The following CSMD3 variants were observed in gnomAD, a reference collection of about 807,000 sequenced individuals.
CSMD3 encodes the protein CUB and sushi domain-containing protein 3.
A neutral mutation model predicts 435.2 loss-of-function variants in CSMD3; 177 were observed. That is an observed-to-expected ratio of 0.41 (90% confidence interval 0.36 to 0.46). CSMD3 has a LOEUF of 0.46. Ranked by LOEUF, CSMD3 falls within the 20% of genes least tolerant of loss-of-function variation. CSMD3 has a pLI of 0.34. For synonymous variants in CSMD3, 1,656 were observed against 1,520.5 expected (o/e 1.09, Z -2.07); for missense variants, 4,265 against 4,504.6 (o/e 0.95, Z 1.52).
intron 3 of CSMD3, among the ~76,000 whole-genome samples, chr8:113,182,568 C>CA (rs534028694): frequency 1.1e-4 from 16 of 150,204 alleles, no homozygotes; most frequent in Non-Finnish European, 2.2e-4. Context: ...AAAACAAAAA[C>CA]AAAAAAAACT....
At chr8:112,611,245 C>T (rs1257186708) in intron 22 of CSMD3, among the ~76,000 whole-genome samples, 1 of 152,070 alleles carries the variant, frequency 6.6e-6, no homozygotes, top group Non-Finnish European at 1.5e-5. Flanking sequence ...AGCAAGCCTC[C>T]CAATCCTAAA....
At chr8:112,789,222 G>C (rs2078627515) in intron 13 of CSMD3, among the ~76,000 whole-genome samples, 1 of 152,018 alleles carries the variant, frequency 6.6e-6, no homozygotes, top group Admixed American at 6.6e-5. Context: ...GAGTGTCTCA[G>C]GATTCATACA....
At chr8:112,723,797 T>C (rs16883985) in intron 13 of CSMD3, among the ~76,000 whole-genome samples, 2,658 of 152,164 alleles carry the variant, frequency 0.017, 77 homozygotes, top group African/African-American at 0.061. Flanking sequence ...AGCTACTTCA[T>C]TGAATTCATG....
chr8:113,043,096 T>C (rs182825894), intron 5 of CSMD3, among the ~76,000 whole-genome samples: 24 of 152,346 alleles, frequency 1.6e-4, no homozygotes, highest in African/African-American at 5.5e-4. Flanking sequence ...GCAAATATAG[T>C]ATTCTTTCTA....
Position 112,762,756 on chromosome 8 carries a change from A to G in CSMD3, c.1972+37406T>C, listed in dbSNP as rs138227185. Reference sequence around the variant, plus strand: ...TAAATTTGAAAGGAAGAAAGCATATAATAGGGATAGAGAGACCAGTGAGAG... The same window carrying G: ...TAAATTTGAAAGGAAGAAAGCATATGATAGGGATAGAGAGACCAGTGAGAG... On this transcript the variant is annotated intron_variant, in intron 13 of 70. Transcript: ENST00000297405. Among the ~76,000 whole-genome samples the G allele has an allele frequency of 9.7e-3, 1,474 of 152,032 alleles. 18 individuals carry two copies. The highest frequency in any genetic ancestry group is 0.024 in the Middle Eastern group (7 of 294).
At chr8:112,445,290 G>A (rs1419605841) in intron 32 of CSMD3, among the ~76,000 whole-genome samples, 1 of 152,084 alleles carries the variant, frequency 6.6e-6, no homozygotes, top group African/African-American at 2.4e-5. Flanking sequence ...AAGAAAGGGA[G>A]AAATTTTTGC....
At chr8:112,272,908 G>T (rs1357561992) in intron 59 of CSMD3, among the ~76,000 whole-genome samples, 1 of 152,032 alleles carries the variant, frequency 6.6e-6, no homozygotes, top group Non-Finnish European at 1.5e-5. Flanking sequence ...TGTTAATGGG[G>T]TGTTAGTAAC....
At chr8:113,100,373 T>C (rs1394271) in intron 4 of CSMD3, among the ~76,000 whole-genome samples, 1 of 151,864 alleles carries the variant, frequency 6.6e-6, no homozygotes, top group East Asian at 1.9e-4. Context: ...CTTCTAGTAA[T>C]CCTGTCCTGC....
intron 4 of CSMD3, among the ~76,000 whole-genome samples, chr8:113,106,725 A>G: frequency 6.6e-6 from 1 of 152,184 alleles, no homozygotes; most frequent in East Asian, 1.9e-4. Context: ...CAGCCAGGAC[A>G]AATATTTTAG....
At chr8:112,348,640 T>C (rs1825878060) in intron 40 of CSMD3, among the ~76,000 whole-genome samples, 1 of 152,120 alleles carries the variant, frequency 6.6e-6, no homozygotes, top group Non-Finnish European at 1.5e-5. Flanking sequence ...TTCATGCCTG[T>C]AATCTCAGCA....
intron 22 of CSMD3, among the ~76,000 whole-genome samples, chr8:112,600,158 TATA>T (rs1407124384): frequency 6.6e-6 from 1 of 152,134 alleles, no homozygotes; most frequent in Non-Finnish European, 1.5e-5. Context: ...GATTTTTAAA[TATA>T]ATAACTCAAG....
intron 5 of CSMD3, among the ~76,000 whole-genome samples, chr8:113,038,330 A>AT (rs2087450058): frequency 6.6e-6 from 1 of 152,292 alleles, no homozygotes; most frequent in Admixed American, 6.5e-5. Flanking sequence ...ATATTGAGGT[A>AT]TTTTTTTCTT....
At chr8:112,804,630 T>A (rs1426279256) in intron 12 of CSMD3, among the ~76,000 whole-genome samples, 2 of 150,870 alleles carry the variant, frequency 1.3e-5, no homozygotes, top group African/African-American at 4.9e-5. Flanking sequence ...TCAATAACTT[T>A]CTCTCATGCT....
intron 10 of CSMD3, among the ~76,000 whole-genome samples, chr8:112,908,316 A>G (rs1279791983): frequency 6.6e-6 from 1 of 151,512 alleles, no homozygotes; most frequent in African/African-American, 2.4e-5. Flanking sequence ...TAAAGTCTCT[A>G]TATTACAACT....
chr8:113,378,481 T>C (rs2094399802), intron 1 of CSMD3, among the ~76,000 whole-genome samples: 1 of 152,184 alleles, frequency 6.6e-6, no homozygotes, highest in Non-Finnish European at 1.5e-5. Flanking sequence ...GAATAGTATT[T>C]AATCCTCAGA....
At chr8:112,862,794 T>C (rs2080862618) in intron 10 of CSMD3, among the ~76,000 whole-genome samples, 1 of 152,056 alleles carries the variant, frequency 6.6e-6, no homozygotes, top group Non-Finnish European at 1.5e-5. Flanking sequence ...TATGTGAGCA[T>C]TTAAAACTTT....
chr8:112,911,922 T>C (rs989187818), intron 10 of CSMD3, among the ~76,000 whole-genome samples: 3 of 148,608 alleles, frequency 2.0e-5, no homozygotes, highest in African/African-American at 4.9e-5. Flanking sequence ...TTATGAGGCA[T>C]GAATTTTTTC....
At chr8:112,397,122 G>A (rs1479147782) in intron 35 of CSMD3, among the ~76,000 whole-genome samples, 1 of 152,096 alleles carries the variant, frequency 6.6e-6, no homozygotes, top group Non-Finnish European at 1.5e-5. Flanking sequence ...TTTAAGACAT[G>A]ACCATTTTTA....
intron 38 of CSMD3, among the ~76,000 whole-genome samples, chr8:112,378,595 G>C (rs551674865): frequency 1.3e-5 from 2 of 152,152 alleles, no homozygotes; most frequent in Non-Finnish European, 2.9e-5. Context: ...TCACGCATAG[G>C]TGGAAGCTAA....
Sources: gnomAD v4.1 joint callset for allele counts (sites outside exome capture counted in the v4.1 genomes callset) on GRCh38, gnomAD v4.1.1 for gene constraint, MANE v1.5 for transcripts, NCBI Gene and HGNC (gene_info 2026-07-23, HGNC 2026-07-21) for gene names.